Variants in PTPN13 observed in about 807,000 individuals in gnomAD.
PTPN13 encodes tyrosine-protein phosphatase non-receptor type 13.
Under a neutral mutation model 284.0 loss-of-function variants are expected in PTPN13, and 191 were observed. The observed-to-expected ratio is 0.67, with a 90% CI of 0.60 to 0.76. The LOEUF (loss-of-function observed/expected upper bound fraction) is 0.76, where lower values mean the gene tolerates loss of function less well. Ranked by LOEUF, PTPN13 falls within the 30% of genes least tolerant of loss-of-function variation. The probability of loss-of-function intolerance (pLI) is 0.00; values close to 1 mark genes in which losing one functional copy is unlikely to be tolerated. For synonymous variants in PTPN13, 986 were observed against 1,022.3 expected (o/e 0.96, Z 0.68); for missense variants, 2,797 against 2,939.9 (o/e 0.95, Z 1.12).
At chr4:86,663,631 T>G (rs1194796156) in intron 2 of PTPN13, among the ~76,000 whole-genome samples, 1 of 152,200 alleles carries the variant, frequency 6.6e-6, no homozygotes, top group East Asian at 1.9e-4. Context: ...CTGAACCCCA[T>G]CAGTGGATAA....
intron 2 of PTPN13, among the ~76,000 whole-genome samples, chr4:86,638,615 T>C (rs1242664116): frequency 6.6e-6 from 1 of 152,202 alleles, no homozygotes; most frequent in Non-Finnish European, 1.5e-5. Flanking sequence ...CTGGGAAAAC[T>C]GGCTAGCCAT....
chr4:86,656,346 CT>C (rs1357515380), intron 2 of PTPN13, among the ~76,000 whole-genome samples: 1 of 152,174 alleles, frequency 6.6e-6, no homozygotes, highest in African/African-American at 2.4e-5. Flanking sequence ...AGCTTTTCTG[CT>C]TTGTTTTATC....
chr4:86,746,018 G>A (rs13112139), intron 17 of PTPN13, among the ~76,000 whole-genome samples: 11,596 of 152,234 alleles, frequency 0.076, 609 homozygotes, highest in Non-Finnish European at 0.11. Context: ...ACAGTGAAGA[G>A]ACACACTGTA....
intron 7 of PTPN13, among the ~76,000 whole-genome samples, chr4:86,711,098 C>CTTTTTTTTTTTTTT (rs58186398): frequency 0.016 from 1,560 of 96,730 alleles, 68 homozygotes; most frequent in East Asian, 0.031. Context: ...TAATTATTGC[C>CTTTTTTTTTTTTTT]TTTTTTTTTT....
chr4:86,708,692 T>G (rs1233731317), intron 7 of PTPN13, among the ~76,000 whole-genome samples: 2 of 152,108 alleles, frequency 1.3e-5, no homozygotes, highest in Non-Finnish European at 2.9e-5. Context: ...AATTTTAAAC[T>G]TAAGTGTTTC....
chr4:86,683,148 T>A (rs1014054474), intron 3 of PTPN13, among the ~76,000 whole-genome samples: 2 of 150,312 alleles, frequency 1.3e-5, no homozygotes, highest in African/African-American at 4.9e-5. Context: ...ATAGGGTGTG[T>A]GCGTGTGTGT....
rs759784072 is a variant in PTPN13 at position 86,705,333 on chromosome 4, C to CAAAAAAAAAAAAAAAAAAAAA, written c.1195+3547_1195+3548insAAAAAAAAAAAAAAAAAAAAA. Among the ~76,000 whole-genome samples, 21 of 95,352 alleles carry CAAAAAAAAAAAAAAAAAAAAA rather than the reference C, an allele frequency of 2.2e-4. 1 individual carries two copies. The highest frequency in any genetic ancestry group is 3.5e-4 in the Admixed American group (3 of 8,656). 62.6% of individuals were successfully genotyped at this position (95,352 alleles called of 152,430 possible). ...TGGGTGACAGAGCAAGACTCCGTCT[C>CAAAAAAAAAAAAAAAAAAAAA]AAAAAAAAAAAAAAAGACATGCGCA... On this transcript the variant is annotated intron_variant, in intron 7 of 47. Transcript: ENST00000411767.
intron 2 of PTPN13, among the ~76,000 whole-genome samples, chr4:86,654,950 G>A (rs1179775313): frequency 6.6e-6 from 1 of 152,150 alleles, no homozygotes; most frequent in Non-Finnish European, 1.5e-5. Context: ...ATATATTTAG[G>A]ACAGTTAACT....
chr4:86,676,734 ATTATG>A (rs1404077880), intron 3 of PTPN13, among the ~76,000 whole-genome samples: 1 of 152,250 alleles, frequency 6.6e-6, no homozygotes, highest in Non-Finnish European at 1.5e-5. Flanking sequence ...CCTGGAAGAC[ATTATG>A]TTAAGTGAAA....
chr4:86,600,670 A>G (rs1288140519), intron 1 of PTPN13, among the ~76,000 whole-genome samples: 3 of 151,976 alleles, frequency 2.0e-5, no homozygotes, highest in East Asian at 3.9e-4. Context: ...AAAGATATTC[A>G]AAGTTGTGTT....
At chr4:86,798,250 T>C (rs1743582567) in intron 41 of PTPN13, among the ~76,000 whole-genome samples, 1 of 152,172 alleles carries the variant, frequency 6.6e-6, no homozygotes, top group Non-Finnish European at 1.5e-5. Flanking sequence ...AGAGGAGAAC[T>C]CTCCAGTGAA....
chr4:86,753,055 A>G lies in PTPN13; in HGVS notation c.3213A>G (p.Leu1071=), dbSNP rs1479478399. The change falls in exon 20 of 48, where the codon TTA becomes TTG. Residue 1071 remains leucine, a synonymous_variant. Transcript: ENST00000411767. ...GAAACTCTTCATCCCAAGTACCCTT[A>G]AAAGAAAATGGTAGGTTTACAAAAT... ...SSGNSSSQVP[L]KENDVLHKRW... is the part of the protein sequence containing the mutation. 7 of 1,606,008 alleles carry G rather than the reference A, an allele frequency of 4.4e-6. No individual in the cohort carries two copies. The African/African-American group carries it at 8.0e-5, about 18-fold the overall frequency.
intron 17 of PTPN13, among the ~76,000 whole-genome samples, chr4:86,747,655 G>A (rs1423009329): frequency 6.6e-6 from 1 of 152,156 alleles, no homozygotes; most frequent in East Asian, 1.9e-4. Context: ...CTTCATCCAT[G>A]GAGTGGGGCT....
chr4:86,708,983 C>T (rs7679393), intron 7 of PTPN13, among the ~76,000 whole-genome samples: 3,661 of 151,832 alleles, frequency 0.024, 154 homozygotes, highest in African/African-American at 0.084. Flanking sequence ...TTCTTTCTTA[C>T]TCTCTTACAC....
intron 2 of PTPN13, among the ~76,000 whole-genome samples, chr4:86,651,200 A>G (rs974942681): frequency 2.0e-5 from 3 of 152,154 alleles, no homozygotes; most frequent in Non-Finnish European, 4.4e-5. Context: ...TATTCTGTTG[A>G]TATGATATCT....
intron 20 of PTPN13, among the ~76,000 whole-genome samples, 152 bp downstream of exon 20, chr4:86,753,217 A>C (rs1183616799): frequency 6.6e-6 from 1 of 152,106 alleles, no homozygotes; most frequent in Non-Finnish European, 1.5e-5. Flanking sequence ...TCAGCATCAT[A>C]ATGATGTAAT....
At chr4:86,637,614 T>C (rs1325869824) in intron 2 of PTPN13, among the ~76,000 whole-genome samples, 1 of 151,608 alleles carries the variant, frequency 6.6e-6, no homozygotes, top group African/African-American at 2.4e-5. Flanking sequence ...AAAAGGCCTT[T>C]GACAAAATTC....
intron 14 of PTPN13, 54 bp from the exon 15 acceptor site, chr4:86,735,540 G>T: frequency 6.3e-7 from 1 of 1,576,708 alleles, no homozygotes; most frequent in Non-Finnish European, 8.6e-7. Flanking sequence ...GAAGGAAAAG[G>T]GTTTACTCCA....
chr4:86,810,478 TCTTA>T lies in PTPN13; in HGVS notation c.7299+498_7299+501del, dbSNP rs1332624315. 2.0e-5 allele frequency among the ~76,000 whole-genome samples: 3 copies of T among 152,310 alleles called. No individual in the cohort carries two copies. In the East Asian group the frequency reaches 5.8e-4, roughly 29 times the overall value. On this transcript the variant is annotated intron_variant, in intron 46 of 47. Transcript: ENST00000411767. ...TAAAAAAATTACTATAAGAGTATAA[TCTTA>T]CTTTTGAACTCAAATTAATATAAAC...
Sources: allele counts gnomAD v4.1 joint callset (sites outside exome capture counted in the v4.1 genomes callset), GRCh38; gene constraint gnomAD v4.1.1; transcripts MANE v1.5; gene names NCBI Gene and HGNC (gene_info 2026-07-23, HGNC 2026-07-21).